The following SRGAP1 variants were observed in gnomAD, a reference collection of about 807,000 sequenced individuals.
SRGAP1 encodes the protein SLIT-ROBO Rho GTPase activating protein 1.
SRGAP1 carries 43 observed loss-of-function variants against 121.9 expected under a neutral mutation model. The ratio of observed to expected loss-of-function variants is 0.35; its 90% CI spans 0.28 to 0.46. The LOEUF is 0.46. SRGAP1 is among the 20% of genes least tolerant of loss of function. SRGAP1 has a pLI of 1.00. For missense variants in SRGAP1, 1,102 were observed against 1,350.9 expected, an observed-to-expected ratio of 0.82 and a Z score of 2.89; for synonymous variants, 447 against 485.4, an observed-to-expected ratio of 0.92 and a Z score of 1.04.
At chr12:63,915,003 T>C (rs2030712756) in intron 1 of SRGAP1, among the ~76,000 whole-genome samples, 2 of 152,250 alleles carry the variant, frequency 1.3e-5, no homozygotes, top group African/African-American at 4.8e-5. Flanking sequence ...TTTGTTTTAA[T>C]CTACTCAGCA....
intron 8 of SRGAP1, among the ~76,000 whole-genome samples, chr12:64,071,361 A>T (rs918443894): frequency 3.9e-5 from 6 of 152,210 alleles, no homozygotes; most frequent in Non-Finnish European, 8.8e-5. Flanking sequence ...TGCACTGAGC[A>T]TTTTGGCATC....
At chr12:63,900,990 C>G (rs780951924) in intron 1 of SRGAP1, among the ~76,000 whole-genome samples, 4 of 150,732 alleles carry the variant, frequency 2.7e-5, no homozygotes, top group Non-Finnish European at 5.9e-5. Context: ...ACTTGTGCAC[C>G]TATTTTTTTT....
At chr12:63,922,577 T>G (rs1423730428) in intron 1 of SRGAP1, among the ~76,000 whole-genome samples, 1 of 152,220 alleles carries the variant, frequency 6.6e-6, no homozygotes, top group Non-Finnish European at 1.5e-5. Context: ...TACTTCAACC[T>G]ACTTTTCCAG....
chr12:63,866,784 A>G (rs1045434771), intron 1 of SRGAP1, among the ~76,000 whole-genome samples: 1 of 150,378 alleles, frequency 6.6e-6, no homozygotes, highest in African/African-American at 2.5e-5. Context: ...CTACTCAAGC[A>G]TAGTTCATAG....
chr12:64,048,141 A>C (rs148448332), intron 6 of SRGAP1, among the ~76,000 whole-genome samples: 62 of 152,274 alleles, frequency 4.1e-4, no homozygotes, highest in African/African-American at 1.5e-3. Flanking sequence ...TTTTCTGCTT[A>C]TTAACTATCC....
intron 4 of SRGAP1, among the ~76,000 whole-genome samples, chr12:64,033,681 A>G (rs966523440): frequency 2.6e-5 from 4 of 151,808 alleles, no homozygotes; most frequent in Non-Finnish European, 5.9e-5. Context: ...TCATGACATT[A>G]CACTTCAGCT....
intron 1 of SRGAP1, among the ~76,000 whole-genome samples, chr12:63,956,129 C>A (rs768171887): frequency 2.6e-5 from 4 of 152,004 alleles, no homozygotes; most frequent in African/African-American, 9.7e-5. Flanking sequence ...GGCGCAATCC[C>A]GAGTAGTTGG....
intron 4 of SRGAP1, among the ~76,000 whole-genome samples, chr12:64,026,360 G>T (rs994578970): frequency 1.3e-5 from 2 of 151,984 alleles, no homozygotes; most frequent in Non-Finnish European, 2.9e-5. Context: ...CATTTTTCTT[G>T]GATTTTACTG....
intron 4 of SRGAP1, 51 bp downstream of exon 4, chr12:64,017,063 G>A: frequency 8.9e-7 from 1 of 1,120,190 alleles, no homozygotes; most frequent in Non-Finnish European, 1.3e-6. Context: ...TAGAATTCTG[G>A]TTTGTAAAAA....
intron 18 of SRGAP1, among the ~76,000 whole-genome samples, chr12:64,117,711 C>T (rs2036545053): frequency 6.6e-6 from 1 of 152,128 alleles, no homozygotes; most frequent in African/African-American, 2.4e-5. Context: ...AGCTTGTTCT[C>T]CTTGCTTGAC....
At chr12:64,139,716 CT>C (rs1277524760) in intron 21 of SRGAP1, among the ~76,000 whole-genome samples, 5 of 151,670 alleles carry the variant, frequency 3.3e-5, no homozygotes, top group African/African-American at 9.7e-5. Flanking sequence ...ATGGTAGTTT[CT>C]TTTGCTGTGC....
chr12:64,133,704 G>A (rs966327698), intron 21 of SRGAP1, among the ~76,000 whole-genome samples: 1 of 152,160 alleles, frequency 6.6e-6, no homozygotes, highest in Non-Finnish European at 1.5e-5. Flanking sequence ...TTCTGGGTCT[G>A]TAAACTGGGT....
At chr12:63,861,154 T>C (rs1448810776) in intron 1 of SRGAP1, among the ~76,000 whole-genome samples, 1 of 149,306 alleles carries the variant, frequency 6.7e-6, no homozygotes, top group African/African-American at 2.4e-5. Context: ...TTCCTCTAAG[T>C]ACTGCTTTAC....
At chr12:63,946,368 A>C (rs2032048069) in intron 1 of SRGAP1, among the ~76,000 whole-genome samples, 1 of 149,758 alleles carries the variant, frequency 6.7e-6, no homozygotes, top group Admixed American at 6.7e-5. Flanking sequence ...CAATTTGATG[A>C]GTTTTGACAT....
At chr12:64,023,771 G>C (rs774439493) in intron 4 of SRGAP1, among the ~76,000 whole-genome samples, 5 of 152,306 alleles carry the variant, frequency 3.3e-5, no homozygotes, top group African/African-American at 1.2e-4. Context: ...TTTACCATGA[G>C]GGCAAGCACA....
At chr12:63,956,326 G>A (rs887435790) in intron 1 of SRGAP1, among the ~76,000 whole-genome samples, 1 of 152,144 alleles carries the variant, frequency 6.6e-6, no homozygotes, top group African/African-American at 2.4e-5. Context: ...CAGCCTTCCA[G>A]ATTGCTGGGA....
At chr12:63,845,276 G>T (rs948878357) in intron 1 of SRGAP1, among the ~76,000 whole-genome samples, 1 of 152,048 alleles carries the variant, frequency 6.6e-6, no homozygotes, top group African/African-American at 2.4e-5. Flanking sequence ...ATTTTTTTAC[G>T]GAATGATTTT....
chr12:64,056,325 A>G (rs1485615921), intron 6 of SRGAP1, among the ~76,000 whole-genome samples: 1 of 152,110 alleles, frequency 6.6e-6, no homozygotes, highest in Non-Finnish European at 1.5e-5. Context: ...CCAAGCAGCC[A>G]GAGTATTGAA....
chr12:64,055,441 CA>C (rs1228453262), intron 6 of SRGAP1, among the ~76,000 whole-genome samples: 1 of 151,700 alleles, frequency 6.6e-6, no homozygotes, highest in Non-Finnish European at 1.5e-5. Flanking sequence ...AGGTAATTTA[CA>C]GATTCAATGC....
Sources: gnomAD v4.1 joint callset for allele counts (sites outside exome capture counted in the v4.1 genomes callset) on GRCh38, gnomAD v4.1.1 for gene constraint, MANE v1.5 for transcripts, NCBI Gene and HGNC (gene_info 2026-07-23, HGNC 2026-07-21) for gene names.